Variants in GRXCR1 observed in about 807,000 individuals in gnomAD.
GRXCR1 encodes the protein glutaredoxin domain-containing cysteine-rich protein 1.
Under a neutral mutation model 27.3 loss-of-function variants are expected in GRXCR1, and 27 were observed. The ratio of observed to expected loss-of-function variants is 0.99; its 90% CI spans 0.73 to 1.37. The LOEUF (loss-of-function observed/expected upper bound fraction) is 1.37. Among genes scored for constraint, GRXCR1 ranks in the 40% most tolerant of loss-of-function variants. The probability of loss-of-function intolerance (pLI) is 0.00; values close to 1 mark genes in which losing one functional copy is unlikely to be tolerated. For missense variants in GRXCR1, 379 were observed against 354.4 expected (o/e 1.07, Z -0.56); for synonymous variants, 122 against 131.1 (o/e 0.93, Z 0.47).
intron 2 of GRXCR1, among the ~76,000 whole-genome samples, chr4:43,011,481 G>A (rs930642871): frequency 2.6e-5 from 4 of 152,222 alleles, no homozygotes; most frequent in African/African-American, 7.2e-5. Flanking sequence ...CTGTAATACC[G>A]TACCTTCCCC....
chr4:42,921,979 G>T (rs1747022591), intron 1 of GRXCR1, among the ~76,000 whole-genome samples: 1 of 152,054 alleles, frequency 6.6e-6, no homozygotes, highest in Admixed American at 6.6e-5. Flanking sequence ...CACTTCTCTG[G>T]CATTGGTTGG....
chr4:42,942,531 A>G (rs1450922521), intron 1 of GRXCR1, among the ~76,000 whole-genome samples: 1 of 152,096 alleles, frequency 6.6e-6, no homozygotes, highest in Non-Finnish European at 1.5e-5. Flanking sequence ...ATGGGGCACA[A>G]ATAAAATATG....
At chr4:42,895,794 G>A (rs1395991623) in intron 1 of GRXCR1, among the ~76,000 whole-genome samples, 1 of 152,012 alleles carries the variant, frequency 6.6e-6, no homozygotes, top group African/African-American at 2.4e-5. Context: ...ATTCCCATAG[G>A]CATCCCACAG....
chr4:42,955,908 C>A (rs1246297937), intron 1 of GRXCR1, among the ~76,000 whole-genome samples: 1 of 151,994 alleles, frequency 6.6e-6, no homozygotes, highest in African/African-American at 2.4e-5. Flanking sequence ...AGGAGCTGAG[C>A]CTGCTCCGTG....
At chr4:43,016,729 A>G (rs116030892) in intron 2 of GRXCR1, among the ~76,000 whole-genome samples, 1 of 152,094 alleles carries the variant, frequency 6.6e-6, no homozygotes. Context: ...GAGACTCAAA[A>G]TAATGTTGAA....
chr4:43,000,529 CT>C (rs1712320199), intron 2 of GRXCR1, among the ~76,000 whole-genome samples: 2 of 148,132 alleles, frequency 1.4e-5, no homozygotes, highest in African/African-American at 5.0e-5. Context: ...TATAGCAGTG[CT>C]TATGGTCAAG....
At chr4:42,896,153 T>C (rs2109734997) in intron 1 of GRXCR1, among the ~76,000 whole-genome samples, 1 of 152,254 alleles carries the variant, frequency 6.6e-6, no homozygotes, top group South Asian at 2.1e-4. Context: ...GTCAATCACT[T>C]GCTTCTTCTG....
chr4:42,982,458 T>C (rs1328010655), intron 2 of GRXCR1, among the ~76,000 whole-genome samples: 1 of 121,398 alleles, frequency 8.2e-6, no homozygotes, highest in Non-Finnish European at 1.7e-5. Context: ...TCTATCATTG[T>C]TGGACATTTG....
At chr4:42,914,276 G>C (rs1168483723) in intron 1 of GRXCR1, among the ~76,000 whole-genome samples, 1 of 152,232 alleles carries the variant, frequency 6.6e-6, no homozygotes, top group Non-Finnish European at 1.5e-5. Flanking sequence ...TGGGAGGGGG[G>C]CTGTATCCTG....
In GRXCR1 at chr4:42,909,523, C is replaced by T. The variant is rs1057005448; in HGVS notation, c.384+15873C>T. Among the ~76,000 whole-genome samples, 9 of 152,160 alleles carry T rather than the reference C, an allele frequency of 5.9e-5. No homozygotes were observed. The South Asian group carries it at 1.9e-3, about 32-fold the overall frequency. ...AATGTATCCTGGAGCCAGAGCTCGT[C>T]CCTGCACATTTTCCTTTTTCTAAAA... On this transcript the variant is annotated intron_variant, in intron 1 of 3. Coordinates refer to ENST00000399770, the MANE Select transcript of GRXCR1 (RefSeq NM_001080476.3).
intron 2 of GRXCR1, among the ~76,000 whole-genome samples, chr4:43,013,710 A>C (rs1712837436): frequency 6.6e-6 from 1 of 152,234 alleles, no homozygotes; most frequent in South Asian, 2.1e-4. Context: ...AGCAGACAAC[A>C]ATCTTAATCT....
chr4:42,918,260 T>A (rs939719286), intron 1 of GRXCR1, among the ~76,000 whole-genome samples: 3 of 152,106 alleles, frequency 2.0e-5, no homozygotes, highest in African/African-American at 7.2e-5. Context: ...AAGCCATTTT[T>A]ACTTGTGGCA....
intron 1 of GRXCR1, among the ~76,000 whole-genome samples, chr4:42,923,351 T>C (rs995185135): frequency 3.3e-5 from 5 of 152,154 alleles, no homozygotes; most frequent in Non-Finnish European, 7.4e-5. Context: ...AGGTACCTTA[T>C]GTGCTTACAT....
intron 2 of GRXCR1, among the ~76,000 whole-genome samples, chr4:42,965,703 C>G (rs902777271): frequency 1.3e-5 from 2 of 151,822 alleles, no homozygotes; most frequent in Non-Finnish European, 2.9e-5. Flanking sequence ...GAATCATCTG[C>G]ACAATACAAT....
At chr4:42,939,676 A>G (rs1330559248) in intron 1 of GRXCR1, among the ~76,000 whole-genome samples, 1 of 152,096 alleles carries the variant, frequency 6.6e-6, no homozygotes, top group Non-Finnish European at 1.5e-5. Flanking sequence ...AAGAATATTT[A>G]TCTTGTATTT....
At chr4:42,928,365 A>G (rs1163633291) in intron 1 of GRXCR1, among the ~76,000 whole-genome samples, 2 of 151,986 alleles carry the variant, frequency 1.3e-5, no homozygotes, top group African/African-American at 2.4e-5. Context: ...AGGCCTGAGG[A>G]TGTTCAGGAA....
intron 1 of GRXCR1, among the ~76,000 whole-genome samples, chr4:42,905,329 G>A (rs201542132): frequency 1.1e-4 from 16 of 152,284 alleles, no homozygotes; most frequent in Middle Eastern, 3.4e-3. Flanking sequence ...CCTTGCTTGC[G>A]CCTTCTGGGT....
chr4:42,992,777 A>G (rs1712017869), intron 2 of GRXCR1, among the ~76,000 whole-genome samples: 1 of 152,152 alleles, frequency 6.6e-6, no homozygotes, highest in African/African-American at 2.4e-5. Context: ...TGATAAAATT[A>G]GCATATTTGG....
Position 42,893,615 on chromosome 4 carries a change from C to T in GRXCR1, c.349C>T (p.Gln117Ter). The change falls in exon 1 of 4, where the codon CAG (glutamine) becomes TAG (stop). Residue 117 changes from glutamine to a stop codon, truncating the protein, a stop_gained. Transcript: ENST00000399770. LOFTEE classifies it high-confidence loss of function. ...CGTCAAATACAAAGTGAGTGCTGGC[C>T]AGGCTCTATTTAACAATTTGACCAA... Reference protein sequence around the residue: ...RGVKYKVSAGQALFNNLTKVL... With the variant: ...RGVKYKVSAG 5.0e-6 allele frequency: 8 copies of T among 1,613,508 alleles called. No individual in the cohort carries two copies. Among genetic ancestry groups the T allele is most frequent in the Non-Finnish European group, 6.8e-6 (8 of 1,179,680 alleles).
Sources: gnomAD v4.1 joint callset for allele counts (sites outside exome capture counted in the v4.1 genomes callset) on GRCh38, gnomAD v4.1.1 for gene constraint, MANE v1.5 for transcripts, NCBI Gene and HGNC (gene_info 2026-07-23, HGNC 2026-07-21) for gene names.